PCDHGB1: variants seen among roughly 807,000 people sequenced by gnomAD.
PCDHGB1 encodes the protein protocadherin gamma subfamily B, 1.
PCDHGB1 carries 34 observed loss-of-function variants against 56.6 expected under a neutral mutation model. The observed-to-expected ratio is 0.60, with a 90% CI of 0.46 to 0.80. The LOEUF (loss-of-function observed/expected upper bound fraction) is 0.80, where lower values mean the gene tolerates loss of function less well. Ranked by LOEUF, PCDHGB1 falls within the 30% of genes least tolerant of loss-of-function variation. The pLI is 0.00. For missense variants in PCDHGB1, 1,278 were observed against 1,204.6 expected (o/e 1.06, Z -0.90); for synonymous variants, 561 against 505.9 (o/e 1.11, Z -1.46).
Position 141,477,200 on chromosome 5 carries a change from C to T in PCDHGB1, c.2410-17607C>T. ...AGTCACCTCCGTGTACAGCCCAGTACCCGAGGATGCCCCTCTGGGGACTGT... is the reference window on the plus strand; with the variant it reads ...AGTCACCTCCGTGTACAGCCCAGTATCCGAGGATGCCCCTCTGGGGACTGT... On this transcript the variant is annotated intron_variant, in intron 1 of 3. Transcript: ENST00000523390. This position sits in a 1 kb window ranked among gnomAD's most constrained non-coding sequence, Gnocchi z 4.9. The T allele has an allele frequency of 1.2e-6, 2 of 1,614,206 alleles. No individual in the cohort carries two copies. The highest frequency in any genetic ancestry group is 1.3e-5 in the African/African-American group (1 of 75,056).
intron 1 of PCDHGB1, chr5:141,422,699 C>T: frequency 6.2e-7 from 1 of 1,603,420 alleles, no homozygotes; most frequent in Middle Eastern, 1.7e-4. Flanking sequence ...GTCACTTACT[C>T]TCTGACGGAT....
chr5:141,372,161 C>T lies in PCDHGB1; in HGVS notation c.2409+19492C>T, dbSNP rs777425940. 5.6e-6 allele frequency: 9 copies of T among 1,613,776 alleles called. No individual in the cohort carries two copies. The Middle Eastern group carries it at 5.0e-4, about 89-fold the overall frequency. On this transcript the variant is annotated intron_variant, in intron 1 of 3. Transcript: ENST00000523390. Reference sequence around the variant, plus strand: ...CTGCAGAGCCTGGCTACCTGGTGACCAAGGTGGTGGCGGTGGACGCAGACT... The same window carrying T: ...CTGCAGAGCCTGGCTACCTGGTGACTAAGGTGGTGGCGGTGGACGCAGACT...
intron 3 of PCDHGB1, among the ~76,000 whole-genome samples, chr5:141,506,435 G>C (rs1470687416): frequency 7.9e-6 from 1 of 126,278 alleles, no homozygotes; most frequent in East Asian, 2.1e-4. Flanking sequence ...CAACAGTCTC[G>C]CTCTGTCTCA....
chr5:141,388,773 G>C, intron 1 of PCDHGB1: 4 of 1,613,808 alleles, frequency 2.5e-6, no homozygotes, highest in Non-Finnish European at 3.4e-6. Context: ...CTCTAACACC[G>C]GGGAAATTAC....
Position 141,407,403 on chromosome 5 carries a change from A to G in PCDHGB1, c.2409+54734A>G, listed in dbSNP as rs964260933. 2.0e-5 allele frequency among the ~76,000 whole-genome samples: 3 copies of G among 152,220 alleles called. No individual in the cohort carries two copies. In the East Asian group the frequency reaches 5.8e-4, roughly 29 times the overall value. Reference sequence around the variant, plus strand: ...TTGTATGTCATGGTAGGTAGTTACTATTCGATACCACAAAAATGTCTCTTG... The same window carrying G: ...TTGTATGTCATGGTAGGTAGTTACTGTTCGATACCACAAAAATGTCTCTTG... On this transcript the variant is annotated intron_variant, in intron 1 of 3. Transcript: ENST00000523390.
At position 141,431,645 on chromosome 5, in the gene PCDHGB1, T is replaced by G. The variant is rs2097404203; in HGVS notation, c.2410-63162T>G. ...GGCGGCCCAAGTTTTCAAACTAGAT[T>G]GTAATTCAGGGACAATATCAACAAT... On this transcript the variant is annotated intron_variant, in intron 1 of 3. Coordinates refer to ENST00000523390, the MANE Select transcript of PCDHGB1 (RefSeq NM_018922.3). This position sits in a 1 kb window ranked among gnomAD's most constrained non-coding sequence, Gnocchi z 4.8. The G allele has an allele frequency of 2.5e-6, 4 of 1,614,236 alleles. No homozygotes were observed. Among genetic ancestry groups the G allele is most frequent in the Non-Finnish European group, 3.4e-6 (4 of 1,180,044 alleles).
intron 1 of PCDHGB1, among the ~76,000 whole-genome samples, chr5:141,460,979 GTGTGTATATA>G (rs143444831): frequency 0.04 from 5,417 of 134,264 alleles, 125 homozygotes; most frequent in South Asian, 0.082. Context: ...GTGTGTGTGT[GTGTGTATATA>G]TATATATGTG....
intron 1 of PCDHGB1, among the ~76,000 whole-genome samples, chr5:141,481,731 A>G (rs1339022274): frequency 6.6e-6 from 1 of 152,060 alleles, no homozygotes; most frequent in African/African-American, 2.4e-5. Context: ...AGGCGGGCGG[A>G]TCACGAGGTC....
intron 1 of PCDHGB1, chr5:141,362,287 T>C (rs1364587967): frequency 2.2e-5 from 36 of 1,613,948 alleles, no homozygotes; most frequent in Non-Finnish European, 3.0e-5. Context: ...CCTGCGACTC[T>C]CTTCCAGGTC....
intron 1 of PCDHGB1, chr5:141,360,183 A>G: frequency 6.2e-7 from 1 of 1,611,000 alleles, no homozygotes; most frequent in Non-Finnish European, 8.5e-7. Context: ...GGCTGCAGGT[A>G]CTGTTGCCCT....
In PCDHGB1 at chr5:141,350,437, G is replaced by A. The variant is rs1353173301; in HGVS notation, c.177G>A (p.Leu59=). The change falls in exon 1 of 4, where the codon TTG becomes TTA. Residue 59 remains leucine, a synonymous_variant. Coordinates refer to ENST00000523390, the MANE Select transcript of PCDHGB1 (RefSeq NM_018922.3). ...ATCTGGGGCTCAGTGTCCGGGAGTT[G>A]CCAACTCGAAAACTGCGGGTTAGTG... ...AKDLGLSVRE[L]PTRKLRVSAE... The A allele has an allele frequency of 6.2e-7, 1 of 1,610,534 alleles. No individual in the cohort carries two copies. Among genetic ancestry groups the A allele is most frequent in the South Asian group, 1.1e-5 (1 of 91,002 alleles).
intron 1 of PCDHGB1, chr5:141,361,981 C>A (rs370897399): frequency 1.4e-4 from 232 of 1,601,314 alleles, no homozygotes; most frequent in Non-Finnish European, 1.8e-4. Context: ...CGAGCCCGGG[C>A]TCTTCAGCCT....
chr5:141,499,418 A>G (rs143234735), intron 2 of PCDHGB1, among the ~76,000 whole-genome samples: 1 of 152,296 alleles, frequency 6.6e-6, no homozygotes, highest in East Asian at 1.9e-4. Context: ...GAAACATGAA[A>G]AATAGAAAAA....
At chr5:141,357,680 A>C (rs913716274) in intron 1 of PCDHGB1, 1 of 1,580,070 alleles carries the variant, frequency 6.3e-7, no homozygotes, top group Admixed American at 1.8e-5. Flanking sequence ...AGTTGTGTAA[A>C]TGTCTCTCAT....
chr5:141,366,198 C>T (rs187196267), intron 1 of PCDHGB1: 35 of 1,613,892 alleles, frequency 2.2e-5, no homozygotes, highest in African/African-American at 2.7e-5. Flanking sequence ...GGGCTGCACA[C>T]GGGCGAGGTG....
chr5:141,388,871 C>T, intron 1 of PCDHGB1: 2 of 1,613,930 alleles, frequency 1.2e-6, no homozygotes, highest in Non-Finnish European at 8.5e-7. Flanking sequence ...TTGCGCAATG[C>T]ACAGTGGAGG....
chr5:141,370,623 G>A (rs1269464778), intron 1 of PCDHGB1: 3 of 1,613,940 alleles, frequency 1.9e-6, no homozygotes, highest in East Asian at 2.2e-5. Flanking sequence ...ATTCTTTACC[G>A]TGAGCCCCGA....
At chr5:141,374,443 A>C (rs886695991) in intron 1 of PCDHGB1, 1 of 1,613,842 alleles carries the variant, frequency 6.2e-7, no homozygotes. Context: ...ATCCCGTGGA[A>C]GTGGAAATAG....
chr5:141,460,592 G>C (rs796171299), intron 1 of PCDHGB1, among the ~76,000 whole-genome samples: 12 of 151,976 alleles, frequency 7.9e-5, no homozygotes, highest in African/African-American at 2.9e-4. Flanking sequence ...GTTTTTTCTG[G>C]GCTCTCTGTG....
Sources: allele counts gnomAD v4.1 joint callset (sites outside exome capture counted in the v4.1 genomes callset), GRCh38; gene constraint gnomAD v4.1.1; non-coding constraint Gnocchi (gnomAD v3.1); transcripts MANE v1.5; gene names NCBI Gene and HGNC (gene_info 2026-07-23, HGNC 2026-07-21).